Variants in CTDSPL2 observed in about 807,000 individuals in gnomAD.
CTDSPL2 encodes CTD small phosphatase-like protein 2.
In CTDSPL2, 5 loss-of-function variants were observed where a neutral mutation model predicts 60.0. That is an observed-to-expected ratio of 0.08 (90% CI 0.04 to 0.18). CTDSPL2 has a LOEUF of 0.18. CTDSPL2 is among the 10% of genes least tolerant of loss of function. The pLI is 1.00. For synonymous variants in CTDSPL2, 186 were observed against 189.3 expected (o/e 0.98, Z 0.14); for missense variants, 370 against 548.8 (o/e 0.67, Z 3.26).
At chr15:44,431,944 G>A (rs1009477988) in intron 1 of CTDSPL2, among the ~76,000 whole-genome samples, 2 of 151,498 alleles carry the variant, frequency 1.3e-5, no homozygotes, top group Non-Finnish European at 1.5e-5. Context: ...GGCTGGTCAC[G>A]AGCTCCTGAC....
At chr15:44,454,883 T>C (rs552752833) in intron 1 of CTDSPL2, among the ~76,000 whole-genome samples, 1 of 152,358 alleles carries the variant, frequency 6.6e-6, no homozygotes, top group Non-Finnish European at 1.5e-5. Flanking sequence ...TTTGTTCTTT[T>C]GGCTTAGGAT....
chr15:44,449,041 C>A, intron 1 of CTDSPL2: 5 of 324,724 alleles, frequency 1.5e-5, no homozygotes, highest in Non-Finnish European at 2.4e-5. Flanking sequence ...ACTTTGTAAT[C>A]CTGATTTGCT....
Position 44,528,471 on chromosome 15 carries a change from C to T in CTDSPL2, c.*4297C>T, listed in dbSNP as rs1445579626. On this transcript the variant is annotated 3_prime_UTR_variant, in exon 13 of 13. Transcript: ENST00000260327. ...GTGACACTGGTTTGAGAGTAGGCAACAAAATTAAAGTTCACCAGACATCTC... is the reference window on the plus strand; with the variant it reads ...GTGACACTGGTTTGAGAGTAGGCAATAAAATTAAAGTTCACCAGACATCTC... The T allele has an allele frequency of 6.6e-6, 1 of 150,556 alleles. No individual in the cohort carries two copies. The highest frequency in any genetic ancestry group is 1.5e-5 in the Non-Finnish European group (1 of 67,752). The allele number at this position is 150,556 out of a possible 1,614,324, so 9.3% of individuals were successfully genotyped here.
intron 2 of CTDSPL2, among the ~76,000 whole-genome samples, chr15:44,479,784 T>C (rs1201910729): frequency 6.6e-6 from 1 of 152,180 alleles, no homozygotes; most frequent in East Asian, 1.9e-4. Context: ...CTGACACGTG[T>C]TCTTTATCTA....
chr15:44,438,881 A>G (rs1483682747), intron 1 of CTDSPL2, among the ~76,000 whole-genome samples: 6 of 152,166 alleles, frequency 3.9e-5, no homozygotes, highest in African/African-American at 1.4e-4. Context: ...TTTATTGCCC[A>G]GTTTTGAATT....
chr15:44,472,239 T>G (rs2080825344), intron 2 of CTDSPL2, among the ~76,000 whole-genome samples: 1 of 152,218 alleles, frequency 6.6e-6, no homozygotes, highest in Non-Finnish European at 1.5e-5. Context: ...GATAACTTTG[T>G]GTTTAGCTTT....
chr15:44,464,826 C>T (rs1252355475), intron 2 of CTDSPL2, among the ~76,000 whole-genome samples: 3 of 152,182 alleles, frequency 2.0e-5, no homozygotes, highest in Non-Finnish European at 4.4e-5. Flanking sequence ...GTGCCTCAGC[C>T]TCCTGGATAG....
intron 2 of CTDSPL2, among the ~76,000 whole-genome samples, chr15:44,477,487 A>T (rs1419671616): frequency 1.3e-5 from 2 of 151,490 alleles, no homozygotes; most frequent in African/African-American, 2.4e-5. Flanking sequence ...GTTAGCTAAG[A>T]TCGTGCCATT....
At chr15:44,428,579 C>G (rs1481267181) in intron 1 of CTDSPL2, among the ~76,000 whole-genome samples, 1 of 152,192 alleles carries the variant, frequency 6.6e-6, no homozygotes, top group Non-Finnish European at 1.5e-5. Flanking sequence ...CTAAAGAGAT[C>G]TAAGAGCTCG....
At chr15:44,446,089 T>G (rs1595703184) in intron 1 of CTDSPL2, among the ~76,000 whole-genome samples, 2 of 151,576 alleles carry the variant, frequency 1.3e-5, no homozygotes, top group Admixed American at 1.3e-4. Flanking sequence ...CCACGCCTGG[T>G]TAATTTTTGT....
chr15:44,499,573 C>T lies in CTDSPL2; in HGVS notation c.883-154C>T, dbSNP rs897342754. ...GAACTAGTGACTTTAGAAACTCCTA[C>T]CCCAAATTGCTGTGCCACATATAGT... On this transcript the variant is annotated intron_variant, in intron 7 of 12. Transcript: ENST00000260327. Among the ~76,000 whole-genome samples, 4 of 152,100 alleles carry T rather than the reference C, an allele frequency of 2.6e-5. 1 individual carries two copies. In the East Asian group the frequency reaches 7.7e-4, roughly 29 times the overall value.
intron 5 of CTDSPL2, among the ~76,000 whole-genome samples, chr15:44,495,044 T>C (rs527815173): frequency 1.3e-5 from 2 of 152,328 alleles, no homozygotes; most frequent in African/African-American, 2.4e-5. Context: ...CAATCTCGGC[T>C]CACTGCAACC....
intron 1 of CTDSPL2, among the ~76,000 whole-genome samples, chr15:44,441,749 G>A (rs906623222): frequency 6.6e-6 from 1 of 152,050 alleles, no homozygotes; most frequent in South Asian, 2.1e-4. Flanking sequence ...GTTTATTCAT[G>A]TTTTTTTGTT....
chr15:44,458,951 CTT>C, intron 1 of CTDSPL2, 38 bp from the exon 2 acceptor site: 1 of 1,301,802 alleles, frequency 7.7e-7, no homozygotes, highest in Non-Finnish European at 1.0e-6. Flanking sequence ...AATTTAATAA[CTT>C]TTAATTTTTT....
chr15:44,495,418 T>G (rs1249101611), intron 5 of CTDSPL2, among the ~76,000 whole-genome samples: 15 of 151,762 alleles, frequency 9.9e-5, no homozygotes, highest in Admixed American at 9.8e-4. Context: ...CCGTCTCTAC[T>G]AAAAATACAA....
chr15:44,432,821 A>G lies in CTDSPL2; in HGVS notation c.-25+5049A>G, dbSNP rs970284440. Among the ~76,000 whole-genome samples the G allele has an allele frequency of 2.6e-5, 4 of 151,744 alleles. No individual in the cohort carries two copies. In the South Asian group the frequency reaches 8.3e-4, roughly 32 times the overall value. Reference sequence around the variant, plus strand: ...TTTTTAGTAGAGATAGGGTTTCACCATGTTGGCCAGGCTGGTCTCGAACTG... The same window carrying G: ...TTTTTAGTAGAGATAGGGTTTCACCGTGTTGGCCAGGCTGGTCTCGAACTG... On this transcript the variant is annotated intron_variant, in intron 1 of 12. Coordinates refer to ENST00000260327, the MANE Select transcript of CTDSPL2 (RefSeq NM_016396.3).
chr15:44,513,846 GATTA>G (rs2081607479), intron 8 of CTDSPL2, among the ~76,000 whole-genome samples: 1 of 152,138 alleles, frequency 6.6e-6, no homozygotes, highest in South Asian at 2.1e-4. Flanking sequence ...TTGAATATTA[GATTA>G]TAGGAGCTAT....
chr15:44,460,976 G>T (rs1264778194), intron 2 of CTDSPL2, among the ~76,000 whole-genome samples: 1 of 150,926 alleles, frequency 6.6e-6, no homozygotes, highest in Non-Finnish European at 1.5e-5. Flanking sequence ...CTCATCTTTT[G>T]CTTTCTCATG....
intron 1 of CTDSPL2, among the ~76,000 whole-genome samples, chr15:44,451,416 T>A (rs141647257): frequency 1.3e-5 from 2 of 152,264 alleles, no homozygotes; most frequent in East Asian, 3.9e-4. Context: ...AGCCTAAAGT[T>A]CTAAAATGAT....
Sources: allele counts gnomAD v4.1 joint callset (sites outside exome capture counted in the v4.1 genomes callset), GRCh38; gene constraint gnomAD v4.1.1; transcripts MANE v1.5; gene names NCBI Gene and HGNC (gene_info 2026-07-23, HGNC 2026-07-21).